DNAJC3: variants seen among roughly 807,000 people sequenced by gnomAD.
The protein encoded by DNAJC3 is DnaJ heat shock protein family (Hsp40) member C3.
DNAJC3 carries 38 observed loss-of-function variants against 68.6 expected under a neutral mutation model. The ratio of observed to expected loss-of-function variants is 0.55; its 90% CI spans 0.43 to 0.73. The LOEUF is 0.73. Among genes scored for constraint, DNAJC3 ranks in the 30% least tolerant of loss-of-function variants. The probability of loss-of-function intolerance (pLI) is 0.00; values close to 1 mark genes in which losing one functional copy is unlikely to be tolerated. For missense variants in DNAJC3, 526 were observed against 591.9 expected (o/e 0.89, Z 1.16); for synonymous variants, 203 against 204.0 (o/e 1.00, Z 0.04).
At chr13:95,770,781 G>C (rs921686139) in intron 9 of DNAJC3, among the ~76,000 whole-genome samples, 1 of 152,124 alleles carries the variant, frequency 6.6e-6, no homozygotes, top group South Asian at 2.1e-4. Context: ...CACAGCTCTC[G>C]TACACTTCTG....
intron 11 of DNAJC3, among the ~76,000 whole-genome samples, chr13:95,789,598 T>C (rs904220940): frequency 6.6e-6 from 1 of 152,226 alleles, no homozygotes; most frequent in African/African-American, 2.4e-5. Flanking sequence ...CTATTGTGAA[T>C]AGAGCTGCAA....
In DNAJC3 at chr13:95,784,956, T is replaced by TA. The variant is rs1157500880; in HGVS notation, c.1076-974dup. Among the ~76,000 whole-genome samples the TA allele has an allele frequency of 1.7e-3, 254 of 151,666 alleles. 1 individual carries two copies. Among genetic ancestry groups the TA allele is most frequent in the African/African-American group, 5.5e-3 (228 of 41,392 alleles). ...CAGAGACCCTGTCTCTTAAAATTTT[T>TA]AAAAAAAAATACTGTGTAATAAAAT... On this transcript the variant is annotated intron_variant, in intron 9 of 11. Coordinates refer to ENST00000602402, the MANE Select transcript of DNAJC3 (RefSeq NM_006260.5).
chr13:95,727,196 T>G (rs1881557958), intron 4 of DNAJC3, among the ~76,000 whole-genome samples: 1 of 147,446 alleles, frequency 6.8e-6, no homozygotes, highest in African/African-American at 2.6e-5. Context: ...TTACTTAGGT[T>G]TTTTTTTTTT....
At position 95,717,274 on chromosome 13, in the gene DNAJC3, A is replaced by G. The variant is rs150724146; in HGVS notation, c.194-5968A>G. On this transcript the variant is annotated intron_variant, in intron 2 of 11. Transcript: ENST00000602402. ...ACATAGTTTTGCTGAATCCAAAAAC[A>G]AAATCCATTTCTAGATTTTTATATC... Among the ~76,000 whole-genome samples, 67 of 152,366 alleles carry G rather than the reference A, an allele frequency of 4.4e-4. 1 individual carries two copies. In the East Asian group the frequency reaches 0.012, roughly 27 times the overall value.
At chr13:95,786,095 C>G (rs1883594396) in intron 10 of DNAJC3, 24 bp downstream of exon 10, 1 of 1,574,502 alleles carries the variant, frequency 6.4e-7, no homozygotes, top group Non-Finnish European at 8.6e-7. Flanking sequence ...TTAAAATTTA[C>G]TTTGCTATTT....
chr13:95,776,863 T>C (rs1883307349), intron 9 of DNAJC3, among the ~76,000 whole-genome samples: 1 of 152,238 alleles, frequency 6.6e-6, no homozygotes, highest in African/African-American at 2.4e-5. Context: ...TGGGAATGAA[T>C]GAACTTACTC....
intron 1 of DNAJC3, among the ~76,000 whole-genome samples, chr13:95,704,851 G>GTGTTTTTTTTTTTTTTTTTTTT (rs1555323371): frequency 9.2e-5 from 9 of 97,848 alleles, no homozygotes; most frequent in African/African-American, 4.2e-4. Context: ...GTGTGTGTGT[G>GTGTTTTTTTTTTTTTTTTTTTT]TTTTTTTTTT....
intron 7 of DNAJC3, among the ~76,000 whole-genome samples, chr13:95,763,439 G>T (rs898850125): frequency 1.3e-5 from 2 of 152,078 alleles, no homozygotes; most frequent in Non-Finnish European, 2.9e-5. Context: ...ATCTCCTATG[G>T]TCATATGTTT....
intron 4 of DNAJC3, among the ~76,000 whole-genome samples, chr13:95,734,952 G>A (rs1271882083): frequency 2.8e-5 from 4 of 141,780 alleles, no homozygotes; most frequent in East Asian, 2.1e-4. Flanking sequence ...TATATCTCCC[G>A]ATGCTATCCC....
intron 2 of DNAJC3, among the ~76,000 whole-genome samples, chr13:95,720,062 C>T (rs923182994): frequency 1.1e-4 from 16 of 151,844 alleles, no homozygotes; most frequent in African/African-American, 3.9e-4. Context: ...AGATGTGGAA[C>T]CCATGGATAC....
intron 9 of DNAJC3, among the ~76,000 whole-genome samples, chr13:95,773,309 T>C (rs892688095): frequency 6.6e-6 from 1 of 151,992 alleles, no homozygotes; most frequent in Non-Finnish European, 1.5e-5. Context: ...TAGCTGGGAC[T>C]ACAGGTGCAT....
At chr13:95,768,040 A>G (rs574685052) in intron 9 of DNAJC3, among the ~76,000 whole-genome samples, 35 of 151,888 alleles carry the variant, frequency 2.3e-4, no homozygotes, top group Non-Finnish European at 4.3e-4. Flanking sequence ...TTTCAATAGT[A>G]GCCATCTTAA....
chr13:95,728,460 C>G (rs1881599987), intron 4 of DNAJC3, among the ~76,000 whole-genome samples: 1 of 152,146 alleles, frequency 6.6e-6, no homozygotes, highest in Admixed American at 6.6e-5. Context: ...TATTTGCCAT[C>G]TGTAAATCCT....
chr13:95,719,449 A>G (rs1167136941), intron 2 of DNAJC3, among the ~76,000 whole-genome samples: 2 of 152,160 alleles, frequency 1.3e-5, no homozygotes, highest in Non-Finnish European at 2.9e-5. Flanking sequence ...TCAACCTTCA[A>G]CAACCCGAGG....
intron 1 of DNAJC3, among the ~76,000 whole-genome samples, chr13:95,705,491 C>T (rs1323109650): frequency 1.3e-5 from 2 of 151,280 alleles, no homozygotes; most frequent in Non-Finnish European, 2.9e-5. Flanking sequence ...TGGTCCCTCA[C>T]TAATACATTT....
chr13:95,787,585 G>A (rs1280153418), intron 11 of DNAJC3, among the ~76,000 whole-genome samples: 1 of 152,114 alleles, frequency 6.6e-6, no homozygotes, highest in African/African-American at 2.4e-5. Flanking sequence ...CAGCTGTCTG[G>A]CCTAGGGCCT....
chr13:95,711,287 C>G (rs1335641763), intron 2 of DNAJC3, among the ~76,000 whole-genome samples: 3 of 152,110 alleles, frequency 2.0e-5, no homozygotes, highest in African/African-American at 7.2e-5. Flanking sequence ...CACTTGAGGT[C>G]AGGAGTTTGG....
At chr13:95,779,109 TTTC>T (rs1217200423) in intron 9 of DNAJC3, among the ~76,000 whole-genome samples, 12 of 145,018 alleles carry the variant, frequency 8.3e-5, no homozygotes, top group Non-Finnish European at 1.0e-4. Context: ...TCTTTGATAT[TTTC>T]TTCTTTCTTT....
intron 9 of DNAJC3, among the ~76,000 whole-genome samples, chr13:95,767,799 C>T (rs1433302721): frequency 2.0e-5 from 3 of 151,236 alleles, no homozygotes; most frequent in African/African-American, 4.9e-5. Flanking sequence ...AGCTGATTCT[C>T]CTGCCTCAGC....
Sources: allele counts gnomAD v4.1 joint callset (sites outside exome capture counted in the v4.1 genomes callset), GRCh38; gene constraint gnomAD v4.1.1; transcripts MANE v1.5; gene names NCBI Gene and HGNC (gene_info 2026-07-23, HGNC 2026-07-21).